Variants in LRRC4C observed in about 807,000 individuals in gnomAD.
The protein encoded by LRRC4C is leucine-rich repeat-containing protein 4C.
Under a neutral mutation model 33.6 loss-of-function variants are expected in LRRC4C, and 5 were observed. The ratio of observed to expected loss-of-function variants is 0.15; its 90% CI spans 0.08 to 0.31. The LOEUF (loss-of-function observed/expected upper bound fraction) is 0.31, where lower values mean the gene tolerates loss of function less well. Ranked by LOEUF, LRRC4C falls within the 10% of genes least tolerant of loss-of-function variation. LRRC4C has a pLI of 1.00. For synonymous variants in LRRC4C, 329 were observed against 302.0 expected (o/e 1.09, Z -0.93); for missense variants, 560 against 796.7 (o/e 0.70, Z 3.58).
At chr11:41,048,787 T>C (rs1857986190) in intron 1 of LRRC4C, among the ~76,000 whole-genome samples, 1 of 152,234 alleles carries the variant, frequency 6.6e-6, no homozygotes, top group South Asian at 2.1e-4. Flanking sequence ...TCCTTCTATG[T>C]GTTGGACACT....
intron 1 of LRRC4C, among the ~76,000 whole-genome samples, chr11:41,043,892 C>A (rs971166114): frequency 3.3e-5 from 5 of 151,960 alleles, no homozygotes; most frequent in Admixed American, 2.0e-4. Context: ...CCACAACCAC[C>A]AAGAATGATG....
At chr11:40,427,315 C>A (rs1047356767) in intron 3 of LRRC4C, among the ~76,000 whole-genome samples, 11 of 149,484 alleles carry the variant, frequency 7.4e-5, no homozygotes, top group Admixed American at 6.0e-4. Flanking sequence ...ACTAGCCTGG[C>A]CAATGTCATG....
chr11:41,232,293 C>T (rs1591011391), intron 1 of LRRC4C, among the ~76,000 whole-genome samples: 1 of 152,004 alleles, frequency 6.6e-6, no homozygotes, highest in African/African-American at 2.4e-5. Flanking sequence ...TTCTCAACTT[C>T]GGTGACTTTG....
chr11:40,696,748 GTATATATATATATA>G (rs57752272), intron 2 of LRRC4C, among the ~76,000 whole-genome samples: 9 of 125,896 alleles, frequency 7.1e-5, no homozygotes, highest in African/African-American at 2.5e-4. Context: ...TATACACTGT[GTATATATATATATA>G]TATATATATA....
intron 3 of LRRC4C, among the ~76,000 whole-genome samples, chr11:40,356,984 G>T (rs1346796396): frequency 1.3e-5 from 2 of 152,106 alleles, no homozygotes; most frequent in African/African-American, 4.8e-5. Flanking sequence ...AGGTCACAAA[G>T]CTGCCATTAA....
At chr11:40,138,668 C>G (rs1857154154) in intron 6 of LRRC4C, among the ~76,000 whole-genome samples, 1 of 152,128 alleles carries the variant, frequency 6.6e-6, no homozygotes, top group African/African-American at 2.4e-5. Flanking sequence ...GTAGGGTTAA[C>G]TAGAAAACAT....
intron 1 of LRRC4C, among the ~76,000 whole-genome samples, chr11:41,020,772 T>G (rs1331066728): frequency 6.6e-6 from 1 of 150,994 alleles, no homozygotes; most frequent in African/African-American, 2.4e-5. Flanking sequence ...CCTATCTCAC[T>G]CTGTTCTTCT....
chr11:41,183,899 A>G (rs1431141039), intron 1 of LRRC4C, among the ~76,000 whole-genome samples: 3 of 152,204 alleles, frequency 2.0e-5, no homozygotes, highest in Non-Finnish European at 2.9e-5. Flanking sequence ...CCAAACCTCA[A>G]TTCTTGACTT....
intron 1 of LRRC4C, among the ~76,000 whole-genome samples, chr11:41,257,332 G>A (rs2136694184): frequency 6.6e-6 from 1 of 152,010 alleles, no homozygotes; most frequent in East Asian, 1.9e-4. Flanking sequence ...AAAAAGAAAA[G>A]AGTAAGATTC....
At chr11:40,594,315 G>T (rs1272468900) in intron 3 of LRRC4C, among the ~76,000 whole-genome samples, 1 of 152,202 alleles carries the variant, frequency 6.6e-6, no homozygotes, top group Non-Finnish European at 1.5e-5. Context: ...TTACTTCCCT[G>T]TGAGGGAGGT....
At chr11:41,360,301 A>G (rs1014879787) in intron 1 of LRRC4C, among the ~76,000 whole-genome samples, 2 of 152,158 alleles carry the variant, frequency 1.3e-5, no homozygotes, top group African/African-American at 4.8e-5. Context: ...TCACTTTCCA[A>G]CTTCCCATAA....
chr11:40,554,741 T>TGGCTA (rs1565500016), intron 3 of LRRC4C, among the ~76,000 whole-genome samples: 37 of 113,796 alleles, frequency 3.3e-4, no homozygotes, highest in African/African-American at 9.4e-4. Flanking sequence ...GCATTCTTTT[T>TGGCTA]TTTTTTTTTT....
In LRRC4C at chr11:41,174,634, A is replaced by G. The variant is rs947559669; in HGVS notation, c.-495-240911T>C. On this transcript the variant is annotated intron_variant, in intron 1 of 6. Transcript: ENST00000528697. Reference sequence around the variant, plus strand: ...ATCATGTATTTACCAGTTAACCAGCATCATCCTGGGACATGCTCAACTGCA... The same window carrying G: ...ATCATGTATTTACCAGTTAACCAGCGTCATCCTGGGACATGCTCAACTGCA... 2.0e-5 allele frequency among the ~76,000 whole-genome samples: 3 copies of G among 152,094 alleles called. No homozygotes were observed. The East Asian group carries it at 5.8e-4, about 29-fold the overall frequency.
intron 4 of LRRC4C, among the ~76,000 whole-genome samples, chr11:40,291,093 T>A (rs1200789627): frequency 6.6e-6 from 1 of 152,100 alleles, no homozygotes; most frequent in Non-Finnish European, 1.5e-5. Context: ...TTGAGATCTC[T>A]GGAGAGTCTT....
chr11:40,572,455 A>G (rs1958021083), intron 3 of LRRC4C, among the ~76,000 whole-genome samples: 2 of 152,208 alleles, frequency 1.3e-5, no homozygotes, highest in Admixed American at 1.3e-4. Flanking sequence ...GTTTAGAAAT[A>G]CAAGATGACT....
At chr11:40,430,262 T>TCG (rs1555056357) in intron 3 of LRRC4C, among the ~76,000 whole-genome samples, 1 of 129,850 alleles carries the variant, frequency 7.7e-6, no homozygotes, top group African/African-American at 2.9e-5. Flanking sequence ...AGTGCACGTA[T>TCG]GGGGGGGGTT....
At chr11:40,693,720 T>C (rs1945340138) in intron 2 of LRRC4C, among the ~76,000 whole-genome samples, 1 of 152,014 alleles carries the variant, frequency 6.6e-6, no homozygotes, top group Non-Finnish European at 1.5e-5. Context: ...GAGCCAACTA[T>C]TGAATCACAA....
At chr11:41,105,918 TTC>T (rs1284919107) in intron 1 of LRRC4C, among the ~76,000 whole-genome samples, 6 of 152,132 alleles carry the variant, frequency 3.9e-5, no homozygotes, top group African/African-American at 1.4e-4. Context: ...ACCAAGATAT[TTC>T]TCTCTCTTTT....
chr11:40,919,901 C>A (rs1053339106), intron 2 of LRRC4C, among the ~76,000 whole-genome samples: 12 of 151,794 alleles, frequency 7.9e-5, no homozygotes, highest in Non-Finnish European at 1.2e-4. Flanking sequence ...ATTGTCAGAC[C>A]AATAATTTTT....
Sources: gnomAD v4.1 joint callset for allele counts (sites outside exome capture counted in the v4.1 genomes callset) on GRCh38, gnomAD v4.1.1 for gene constraint, MANE v1.5 for transcripts, NCBI Gene and HGNC (gene_info 2026-07-23, HGNC 2026-07-21) for gene names.